The following DNMT1 variants were observed in gnomAD, a reference collection of about 807,000 sequenced individuals.
DNMT1 encodes the protein DNA methyltransferase 1.
In DNMT1, 24 loss-of-function variants were observed where a neutral mutation model predicts 205.3. The observed-to-expected ratio is 0.12, with a 90% CI of 0.08 to 0.16. DNMT1 has a LOEUF of 0.16. Among genes scored for constraint, DNMT1 ranks in the 10% least tolerant of loss-of-function variants. The pLI, the probability that DNMT1 is intolerant of heterozygous loss-of-function variation, is 1.00. For missense variants in DNMT1, 1,293 were observed against 2,177.7 expected (o/e 0.59, Z 8.09); for synonymous variants, 817 against 839.8 (o/e 0.97, Z 0.47).
intron 7 of DNMT1, 32 bp downstream of exon 7, chr19:10,175,508 G>A (rs537372106): frequency 2.2e-4 from 350 of 1,611,562 alleles, no homozygotes; most frequent in African/African-American, 8.3e-4. Context: ...CCAAGTTAAG[G>A]TAGAGTCAGG....
At chr19:10,162,007 A>C (rs1332898942) in intron 13 of DNMT1, among the ~76,000 whole-genome samples, 1 of 151,634 alleles carries the variant, frequency 6.6e-6, no homozygotes, top group Non-Finnish European at 1.5e-5. Flanking sequence ...ACAACTGGCT[A>C]ATTTTTGTAT....
intron 30 of DNMT1, 114 bp from the exon 31 acceptor site, chr19:10,141,303 T>A: frequency 9.6e-7 from 1 of 1,040,284 alleles, no homozygotes; most frequent in Non-Finnish European, 1.5e-6. Flanking sequence ...AGTGGGGCCA[T>A]GACCAATTAG....
chr19:10,174,229 C>A (rs151294480), intron 7 of DNMT1, among the ~76,000 whole-genome samples: 121 of 152,220 alleles, frequency 7.9e-4, no homozygotes, highest in African/African-American at 2.9e-3. Context: ...AGAGACCAGT[C>A]TGGGCAACAT....
intron 7 of DNMT1, among the ~76,000 whole-genome samples, chr19:10,174,413 CAAAGA>C (rs199940699): frequency 7.9e-5 from 12 of 151,584 alleles, no homozygotes; most frequent in South Asian, 2.1e-4. Flanking sequence ...AGACCTGTCT[CAAAGA>C]AAAGAAAAGA....
intron 33 of DNMT1, 69 bp from the exon 34 acceptor site, chr19:10,139,886 G>A (rs530605805): frequency 1.9e-5 from 29 of 1,558,818 alleles, no homozygotes; most frequent in Admixed American, 1.7e-4. Flanking sequence ...CCACTGTGCC[G>A]GAAGCCCCTC....
chr19:10,186,835 T>G (rs2039192865), intron 1 of DNMT1, among the ~76,000 whole-genome samples: 1 of 65,162 alleles, frequency 1.5e-5, no homozygotes, highest in African/African-American at 1.0e-4. Flanking sequence ...TGAAACTCCG[T>G]CTCAAAAAAA....
At position 10,163,341 on chromosome 19, in the gene DNMT1, C is replaced by A; in HGVS notation, c.911G>T (p.Ser304Ile). 6.2e-7 allele frequency: 1 copy of A among 1,614,000 alleles called. No homozygotes were observed. Among genetic ancestry groups the A allele is most frequent in the Non-Finnish European group, 8.5e-7 (1 of 1,179,978 alleles). The change falls in exon 12 of 41, where the codon AGT becomes ATT. Residue 304 changes from serine to isoleucine, a missense_variant. This residue lies in a region of DNMT1 where 394 missense variants were observed against 451.6 expected (regional missense o/e 0.87). Coordinates refer to ENST00000359526, the MANE Select transcript of DNMT1 (RefSeq NM_001130823.3). ...AAACACTTACAGATCTTTGGGTTGA[C>A]TTCTGTGCTTCTTCTCATCCTGACA... Reference protein sequence around the residue: ...GDEKDEKKHRSQPKDLAAKRR... With the variant: ...GDEKDEKKHRIQPKDLAAKRR...
At chr19:10,178,460 A>G (rs1417420719) in intron 5 of DNMT1, among the ~76,000 whole-genome samples, 1 of 152,092 alleles carries the variant, frequency 6.6e-6, no homozygotes, top group African/African-American at 2.4e-5. Context: ...AATAAAAATT[A>G]AAAGAAAATA....
intron 7 of DNMT1, 103 bp from the exon 8 acceptor site, chr19:10,174,008 A>G: frequency 8.4e-7 from 1 of 1,189,200 alleles, no homozygotes; most frequent in Non-Finnish European, 1.3e-6. Flanking sequence ...TGACATGGTT[A>G]GAGCAAGAGT....
chr19:10,166,608 CCAT>C lies in DNMT1; in HGVS notation c.878_880del (p.Asp293del). The stretch of plus-strand genomic sequence containing the variant: ...ATAACCCGCCTTTACTTTCTCGTCT[CCAT>C]CTTCGTCCTCGTCAGCCTGCACGCC... On this transcript the variant is annotated inframe_deletion, in exon 11 of 41. Transcript: ENST00000359526. 4.3e-6 allele frequency: 7 copies of C among 1,614,176 alleles called. No individual in the cohort carries two copies. Among genetic ancestry groups the C allele is most frequent in the Non-Finnish European group, 5.9e-6 (7 of 1,180,018 alleles).
chr19:10,140,763 G>A lies in DNMT1; in HGVS notation c.3523+18C>T, dbSNP rs1318685909. The stretch of plus-strand genomic sequence containing the variant: ...TGGGCTCACCAGGTATTCAGAGATG[G>A]AGCCTACGGGCGCTCACCTGCTTGG... On this transcript the variant is annotated intron_variant, in intron 32 of 40. Coordinates refer to ENST00000359526, the MANE Select transcript of DNMT1 (RefSeq NM_001130823.3). This position sits in a 1 kb window ranked among gnomAD's most constrained non-coding sequence, Gnocchi z 8.4. The A allele has an allele frequency of 6.2e-7, 1 of 1,613,868 alleles. No homozygotes were observed. Among genetic ancestry groups the A allele is most frequent in the Non-Finnish European group, 8.5e-7 (1 of 1,179,926 alleles).
chr19:10,194,699 C>T (rs1039445100), intron 1 of DNMT1, 121 bp downstream of exon 1: 1 of 1,335,032 alleles, frequency 7.5e-7, no homozygotes, highest in Non-Finnish European at 9.9e-7. Context: ...GCGCGCCGCA[C>T]CACCCCACGC....
intron 11 of DNMT1, among the ~76,000 whole-genome samples, chr19:10,163,723 A>C (rs1427788981): frequency 6.6e-6 from 1 of 152,222 alleles, no homozygotes; most frequent in African/African-American, 2.4e-5. Context: ...AATGTAAATG[A>C]GAAAGTGTGG....
At chr19:10,187,274 T>C (rs1044164262) in intron 1 of DNMT1, among the ~76,000 whole-genome samples, 3 of 151,760 alleles carry the variant, frequency 2.0e-5, no homozygotes, top group Non-Finnish European at 4.4e-5. Flanking sequence ...GTTAGATTAC[T>C]CTAACACCTC....
intron 27 of DNMT1, 44 bp downstream of exon 27, chr19:10,148,840 G>A (rs1186378670): frequency 1.2e-6 from 2 of 1,613,602 alleles, no homozygotes; most frequent in African/African-American, 2.7e-5. Flanking sequence ...GAGTGATGTG[G>A]GCTGAAAGTG....
intron 33 of DNMT1, 113 bp downstream of exon 33, chr19:10,139,933 A>C: frequency 3.8e-6 from 6 of 1,587,686 alleles, no homozygotes; most frequent in Middle Eastern, 3.3e-4. Flanking sequence ...GTGAGAGCTG[A>C]GCTGTGAGCT....
Position 10,140,431 on chromosome 19 carries a change from G to A in DNMT1, c.3524-103C>T, listed in dbSNP as rs1366968528. 2.0e-6 allele frequency: 3 copies of A among 1,494,528 alleles called. No individual in the cohort carries two copies. In the East Asian group the frequency reaches 7.3e-5, roughly 36 times the overall value. 92.6% of individuals were successfully genotyped at this position (1,494,528 alleles called of 1,614,324 possible). A position where few individuals can be genotyped will look rare whatever the true frequency, so the allele number is the denominator to read the frequency against. On this transcript the variant is annotated intron_variant, in intron 32 of 40. Coordinates refer to ENST00000359526, the MANE Select transcript of DNMT1 (RefSeq NM_001130823.3). The surrounding 1 kb of genome is among the most constrained non-coding windows in gnomAD (Gnocchi z 8.4). ...GTCACCCAGGCTGGAGTGCAGTGGT[G>A]TGATCTTGGCTCACTGCAAGCTCTG... is the stretch of plus-strand genomic sequence containing the variant.
intron 1 of DNMT1, among the ~76,000 whole-genome samples, chr19:10,190,931 G>T (rs1404717146): frequency 6.6e-6 from 1 of 151,974 alleles, no homozygotes; most frequent in African/African-American, 2.4e-5. Context: ...TGGTCAACAT[G>T]GCAAAACCCA....
chr19:10,166,807 C>T lies in DNMT1; in HGVS notation c.804-122G>A, dbSNP rs1044550511. The stretch of plus-strand genomic sequence containing the variant: ...AGGTTCAGAGGACAGGCTGCCTCTC[C>T]TGTCTTCACTGCAGGAAGCCCAGAG... On this transcript the variant is annotated intron_variant, in intron 10 of 40. Transcript: ENST00000359526. 5.0e-5 allele frequency: 50 copies of T among 995,926 alleles called. No homozygotes were observed. In the South Asian group the frequency reaches 6.6e-4, roughly 13 times the overall value. The allele number at this position is 995,926 out of a possible 1,614,324, so 61.7% of individuals were successfully genotyped here.
Sources: allele counts gnomAD v4.1 joint callset (sites outside exome capture counted in the v4.1 genomes callset), GRCh38; gene constraint gnomAD v4.1.1; regional missense constraint gnomAD v4.1.1; non-coding constraint Gnocchi (gnomAD v3.1); transcripts MANE v1.5; gene names NCBI Gene and HGNC (gene_info 2026-07-23, HGNC 2026-07-21).